AGBL4: variants seen among roughly 807,000 people sequenced by gnomAD.
The protein encoded by AGBL4 is AGBL carboxypeptidase 4.
A neutral mutation model predicts 66.4 loss-of-function variants in AGBL4; 58 were observed. That is an observed-to-expected ratio of 0.87 (90% confidence interval 0.71 to 1.09). AGBL4 has a LOEUF of 1.09. AGBL4 is among the 50% of genes least tolerant of loss of function. The pLI, the probability that AGBL4 is intolerant of heterozygous loss-of-function variation, is 0.00. For missense variants in AGBL4, 579 were observed against 631.0 expected, an observed-to-expected ratio of 0.92 and a Z score of 0.88; for synonymous variants, 234 against 222.9, an observed-to-expected ratio of 1.05 and a Z score of -0.44.
At chr1:49,736,428 C>A (rs1212463987) in intron 2 of AGBL4, among the ~76,000 whole-genome samples, 1 of 151,784 alleles carries the variant, frequency 6.6e-6, no homozygotes, top group Non-Finnish European at 1.5e-5. Context: ...AAATCAATAA[C>A]AAAAGAAATT....
At chr1:49,798,945 T>C (rs1311337038) in intron 2 of AGBL4, among the ~76,000 whole-genome samples, 1 of 152,148 alleles carries the variant, frequency 6.6e-6, no homozygotes, top group Admixed American at 6.6e-5. Context: ...ATCTTTTATT[T>C]AATAGCTAAG....
At chr1:49,585,858 T>G (rs568847517) in intron 3 of AGBL4, among the ~76,000 whole-genome samples, 1 of 152,274 alleles carries the variant, frequency 6.6e-6, no homozygotes, top group East Asian at 1.9e-4. Flanking sequence ...TGGAAGAATT[T>G]TGATAATCAC....
intron 3 of AGBL4, among the ~76,000 whole-genome samples, chr1:49,459,107 A>G (rs1025510987): frequency 6.6e-6 from 1 of 151,028 alleles, no homozygotes; most frequent in Non-Finnish European, 1.5e-5. Context: ...TTAGGGTGAT[A>G]CTGGCTTCAT....
intron 6 of AGBL4, among the ~76,000 whole-genome samples, chr1:48,786,126 G>C (rs938280267): frequency 1.3e-5 from 2 of 152,102 alleles, no homozygotes; most frequent in African/African-American, 4.8e-5. Flanking sequence ...TGTGAACTCT[G>C]ATTTTCTTAA....
At chr1:48,798,877 T>A (rs1430710580) in intron 6 of AGBL4, among the ~76,000 whole-genome samples, 1 of 152,202 alleles carries the variant, frequency 6.6e-6, no homozygotes, top group Non-Finnish European at 1.5e-5. Context: ...ATAGTCTATA[T>A]GCCTATTTTT....
rs1374580342 is a variant in AGBL4 at position 49,206,379 on chromosome 1, C to T, written c.377+39391G>A. On this transcript the variant is annotated intron_variant, in intron 4 of 13. Coordinates refer to ENST00000371839, the MANE Select transcript of AGBL4 (RefSeq NM_032785.4). ...CTACTGGGATGGCCCTATAAAGGGG[C>T]AGAGCCTTAGGAATGAAGGTCTAAT... Among the ~76,000 whole-genome samples the T allele has an allele frequency of 2.0e-5, 3 of 152,200 alleles. No individual in the cohort carries two copies. The East Asian group carries it at 5.8e-4, about 29-fold the overall frequency.
At chr1:49,939,625 G>A (rs928447358) in intron 1 of AGBL4, among the ~76,000 whole-genome samples, 36 of 152,234 alleles carry the variant, frequency 2.4e-4, no homozygotes, top group Middle Eastern at 6.8e-3. Context: ...TTTAATAAAC[G>A]GTGCTTGGAA....
chr1:48,674,537 G>T (rs1291259112), intron 6 of AGBL4, among the ~76,000 whole-genome samples: 1 of 151,628 alleles, frequency 6.6e-6, no homozygotes, highest in Admixed American at 6.6e-5. Context: ...GCGGGGAGGG[G>T]GGGGATGGGT....
chr1:49,638,856 C>T (rs1294254982), intron 3 of AGBL4, among the ~76,000 whole-genome samples: 2 of 152,084 alleles, frequency 1.3e-5, no homozygotes, highest in East Asian at 3.9e-4. Context: ...CAAGTACTCG[C>T]CAAGAAGATA....
intron 3 of AGBL4, among the ~76,000 whole-genome samples, chr1:49,614,450 T>C (rs779372922): frequency 2.6e-4 from 40 of 152,292 alleles, no homozygotes; most frequent in Admixed American, 2.0e-3. Context: ...GTGTCAATTA[T>C]ATGATTTATA....
intron 4 of AGBL4, among the ~76,000 whole-genome samples, chr1:49,209,256 C>T (rs2148250922): frequency 6.6e-6 from 1 of 152,134 alleles, no homozygotes; most frequent in Admixed American, 6.6e-5. Flanking sequence ...AGTAAAGAAA[C>T]TATATAGATG....
At chr1:49,530,611 T>G (rs1651060354) in intron 3 of AGBL4, among the ~76,000 whole-genome samples, 1 of 152,030 alleles carries the variant, frequency 6.6e-6, no homozygotes, top group South Asian at 2.1e-4. Context: ...GGGAAAATAA[T>G]CATATGCACC....
intron 3 of AGBL4, among the ~76,000 whole-genome samples, chr1:49,262,080 A>G (rs1363095640): frequency 2.0e-5 from 3 of 152,036 alleles, no homozygotes; most frequent in Non-Finnish European, 4.4e-5. Context: ...TATTTAATAA[A>G]TGGTGCTGGG....
intron 2 of AGBL4, among the ~76,000 whole-genome samples, chr1:49,754,024 T>C (rs1010621163): frequency 6.6e-6 from 1 of 152,210 alleles, no homozygotes; most frequent in Non-Finnish European, 1.5e-5. Flanking sequence ...CATGCTCCTT[T>C]AGCTCAGAGG....
intron 1 of AGBL4, among the ~76,000 whole-genome samples, chr1:49,935,162 C>T (rs556192085): frequency 6.6e-5 from 10 of 152,326 alleles, no homozygotes; most frequent in South Asian, 2.1e-4. Flanking sequence ...GCTTAAAAAA[C>T]GGCGCTCCAG....
chr1:49,606,598 T>C (rs753656535), intron 3 of AGBL4, among the ~76,000 whole-genome samples: 1 of 152,160 alleles, frequency 6.6e-6, no homozygotes, highest in Non-Finnish European at 1.5e-5. Flanking sequence ...TTTGTTCCCA[T>C]ACTTTGAGTG....
chr1:49,266,440 C>A (rs922447377), intron 3 of AGBL4, among the ~76,000 whole-genome samples: 1 of 151,814 alleles, frequency 6.6e-6, no homozygotes, highest in African/African-American at 2.4e-5. Flanking sequence ...GCATTTCCTA[C>A]ATGGAATTTT....
intron 3 of AGBL4, among the ~76,000 whole-genome samples, chr1:49,306,211 T>C (rs1644846678): frequency 6.6e-6 from 1 of 152,194 alleles, no homozygotes; most frequent in South Asian, 2.1e-4. Flanking sequence ...GAAAACACTT[T>C]TGCAATCCCA....
At chr1:49,430,876 T>C (rs1392701506) in intron 3 of AGBL4, among the ~76,000 whole-genome samples, 1 of 152,180 alleles carries the variant, frequency 6.6e-6, no homozygotes, top group Admixed American at 6.5e-5. Flanking sequence ...AACATGCAAA[T>C]ATAATCATAC....
Sources: gnomAD v4.1 joint callset for allele counts (sites outside exome capture counted in the v4.1 genomes callset) on GRCh38, gnomAD v4.1.1 for gene constraint, MANE v1.5 for transcripts, NCBI Gene and HGNC (gene_info 2026-07-23, HGNC 2026-07-21) for gene names.